The following PMVK variants were observed in gnomAD, a reference collection of about 807,000 sequenced individuals.
PMVK encodes phosphomevalonate kinase, also known as testis tissue sperm-binding protein Li 95mP.
Under a neutral mutation model 19.0 loss-of-function variants are expected in PMVK, and 10 were observed. The observed-to-expected ratio is 0.53, with a 90% CI of 0.32 to 0.89. PMVK has a LOEUF of 0.89. Ranked by LOEUF, PMVK falls within the 40% of genes least tolerant of loss-of-function variation. The pLI is 0.03. For synonymous variants in PMVK, 108 were observed against 101.6 expected, an observed-to-expected ratio of 1.06 and a Z score of -0.38; for missense variants, 222 against 251.1, an observed-to-expected ratio of 0.88 and a Z score of 0.78.
At chr1:154,939,704 CAAAAAAAA>C (rs79939253), upstream of PMVK, among the ~76,000 whole-genome samples, 1 of 117,616 alleles carries the variant, frequency 8.5e-6, no homozygotes. Flanking sequence ...GACTCCATCT[CAAAAAAAA>C]AAAAAAAAAA....
intron 3 of PMVK, among the ~76,000 whole-genome samples, chr1:154,926,826 G>A (rs916458684): frequency 6.6e-6 from 1 of 152,168 alleles, no homozygotes; most frequent in Non-Finnish European, 1.5e-5. Context: ...TTACAGTCTA[G>A]TGGGAGACAC....
At chr1:154,942,524 AGGG>A in the PMVK span, among the ~76,000 whole-genome samples, 1 of 152,228 alleles carries the variant, frequency 6.6e-6, no homozygotes, top group South Asian at 2.1e-4. Flanking sequence ...TCCCAGAGAG[AGGG>A]CGATCAGAGC....
chr1:154,939,322 A>G (rs4845695), upstream of PMVK, among the ~76,000 whole-genome samples: 49,754 of 151,944 alleles, frequency 0.33, 10,945 homozygotes, highest in East Asian at 0.88. Context: ...TTCCCTCCCA[A>G]GTCCACTAGC....
At chr1:154,925,411 C>T (rs1171814019) in intron 4 of PMVK, 146 bp from the exon 5 acceptor site, 2 of 804,366 alleles carry the variant, frequency 2.5e-6, no homozygotes, top group African/African-American at 3.4e-5. Context: ...AAGGCACCTC[C>T]CTACCCCTGA....
In PMVK at chr1:154,929,123, G is replaced by C; in HGVS notation, c.213C>G (p.Ala71=). The change falls in exon 3 of 5, where the codon GCC becomes GCG. Residue 71 remains alanine, a synonymous_variant. Transcript: ENST00000368467. ...RLLDTSTYKE[A]FRKDMIRWGE... ...CCCAGCGGATCATGTCCTTCCGAAAGGCCTCCTTGTAGGTGCTGGTGTCCA... is the reference window on the plus strand; with the variant it reads ...CCCAGCGGATCATGTCCTTCCGAAACGCCTCCTTGTAGGTGCTGGTGTCCA... The C allele has an allele frequency of 6.2e-7, 1 of 1,614,114 alleles. No homozygotes were observed.
chr1:154,934,760 T>C (rs1227222489), intron 1 of PMVK, among the ~76,000 whole-genome samples: 2 of 152,044 alleles, frequency 1.3e-5, no homozygotes. Flanking sequence ...ATTTTACAGA[T>C]GACAAAACTG....
At chr1:154,941,019 C>T (rs1200092042), upstream of PMVK, among the ~76,000 whole-genome samples, 1 of 152,248 alleles carries the variant, frequency 6.6e-6, no homozygotes, top group African/African-American at 2.4e-5. Flanking sequence ...TCTGTGGTCT[C>T]CACTTCAATG....
chr1:154,929,268 G>T, intron 2 of PMVK, 92 bp from the exon 3 acceptor site: 2 of 1,203,940 alleles, frequency 1.7e-6, no homozygotes, highest in Non-Finnish European at 2.4e-6. Flanking sequence ...ACCCTCACCT[G>T]CCTCCCCCAG....
chr1:154,939,692 G>A (rs1190996567), upstream of PMVK, among the ~76,000 whole-genome samples: 10 of 133,466 alleles, frequency 7.5e-5, no homozygotes, highest in African/African-American at 2.4e-4. Context: ...ACAACAGAGC[G>A]AGACTCCATC....
At chr1:154,934,373 G>A (rs1266372660) in intron 1 of PMVK, among the ~76,000 whole-genome samples, 3 of 152,168 alleles carry the variant, frequency 2.0e-5, no homozygotes, top group African/African-American at 4.8e-5. Flanking sequence ...CTAGAGTGCA[G>A]TGGTATGATC....
chr1:154,933,198 G>A (rs978916522), intron 1 of PMVK, among the ~76,000 whole-genome samples: 3 of 152,128 alleles, frequency 2.0e-5, no homozygotes, highest in African/African-American at 7.2e-5. Context: ...ACTTTGGAAG[G>A]CTGAGGCAGC....
upstream of PMVK, among the ~76,000 whole-genome samples, chr1:154,940,958 T>A (rs898500153): frequency 5.3e-5 from 8 of 152,228 alleles, no homozygotes; most frequent in African/African-American, 1.9e-4. Flanking sequence ...AGCCTTTTCA[T>A]GTATCTTACA....
upstream of PMVK, chr1:154,936,986 A>C: frequency 3.1e-6 from 1 of 322,708 alleles, no homozygotes; most frequent in Non-Finnish European, 6.0e-6. Context: ...CCCGCCCAGA[A>C]CCTTCGCTCA....
chr1:154,935,887 T>G (rs1388195050), intron 1 of PMVK, among the ~76,000 whole-genome samples: 1 of 152,140 alleles, frequency 6.6e-6, no homozygotes, highest in African/African-American at 2.4e-5. Flanking sequence ...GACTAGGGTC[T>G]TACTGTGTTG....
upstream of PMVK, among the ~76,000 whole-genome samples, chr1:154,938,296 C>G (rs1654573673): frequency 6.6e-6 from 1 of 152,344 alleles, no homozygotes; most frequent in Admixed American, 6.5e-5. Context: ...TCCCTGAATA[C>G]CTAGTGAGCG....
chr1:154,927,888 C>A (rs1654216654), intron 3 of PMVK, among the ~76,000 whole-genome samples: 1 of 149,320 alleles, frequency 6.7e-6, no homozygotes, highest in Admixed American at 6.6e-5. Flanking sequence ...CTCCTCATAT[C>A]CTAGGCCTAC....
intron 1 of PMVK, among the ~76,000 whole-genome samples, chr1:154,936,232 TC>T (rs1654500001): frequency 6.6e-6 from 1 of 151,578 alleles, no homozygotes; most frequent in Non-Finnish European, 1.5e-5. Flanking sequence ...CAGGCACGCG[TC>T]ACCACGCCCA....
intron 1 of PMVK, among the ~76,000 whole-genome samples, chr1:154,932,689 G>A (rs908932603): frequency 6.6e-6 from 1 of 152,242 alleles, no homozygotes; most frequent in Non-Finnish European, 1.5e-5. Context: ...GCTAATTACA[G>A]TGTGAACAGG....
intron 1 of PMVK, among the ~76,000 whole-genome samples, chr1:154,932,623 T>C (rs1654373462): frequency 6.6e-6 from 1 of 152,206 alleles, no homozygotes; most frequent in Admixed American, 6.5e-5. Flanking sequence ...AGGATTATTA[T>C]GAAACTCTAA....
Sources: gnomAD v4.1 joint callset for allele counts (sites outside exome capture counted in the v4.1 genomes callset) on GRCh38, gnomAD v4.1.1 for gene constraint, MANE v1.5 for transcripts, NCBI Gene and HGNC (gene_info 2026-07-23, HGNC 2026-07-21) for gene names.